Variants in ADGRL2 observed in about 807,000 individuals in gnomAD.
ADGRL2 encodes the protein calcium-independent alpha-latrotoxin receptor 2.
ADGRL2 carries 44 observed loss-of-function variants against 157.4 expected under a neutral mutation model. The observed-to-expected ratio is 0.28, with a 90% CI of 0.22 to 0.36. The LOEUF (loss-of-function observed/expected upper bound fraction) is 0.36. ADGRL2 is among the 10% of genes least tolerant of loss of function. The pLI, the probability that ADGRL2 is intolerant of heterozygous loss-of-function variation, is 1.00. For missense variants in ADGRL2, 1,510 were observed against 1,768.9 expected, an observed-to-expected ratio of 0.85 and a Z score of 2.63; for synonymous variants, 585 against 624.7, an observed-to-expected ratio of 0.94 and a Z score of 0.95.
At chr1:81,474,997 C>T (rs1221782842) in intron 2 of ADGRL2, among the ~76,000 whole-genome samples, 2 of 152,130 alleles carry the variant, frequency 1.3e-5, no homozygotes, top group African/African-American at 4.8e-5. Flanking sequence ...TGGTATGTGA[C>T]AACTGCGCTA....
chr1:81,541,829 A>C (rs989592904), intron 2 of ADGRL2, among the ~76,000 whole-genome samples: 1 of 150,746 alleles, frequency 6.6e-6, no homozygotes, highest in Non-Finnish European at 1.5e-5. Flanking sequence ...GTGGTGGCGC[A>C]TGCCTGTAAG....
At chr1:81,935,625 G>A (rs953245215) in intron 3 of ADGRL2, among the ~76,000 whole-genome samples, 7 of 151,686 alleles carry the variant, frequency 4.6e-5, no homozygotes, top group South Asian at 2.1e-4. Flanking sequence ...ATGTACTATC[G>A]AATATGTGGT....
chr1:81,605,803 C>T (rs1051342697), intron 3 of ADGRL2, among the ~76,000 whole-genome samples: 1 of 152,146 alleles, frequency 6.6e-6, no homozygotes, highest in Non-Finnish European at 1.5e-5. Flanking sequence ...ATTTTGCAGT[C>T]TTGAAAATAG....
intron 1 of ADGRL2, among the ~76,000 whole-genome samples, chr1:81,405,903 C>T (rs1053787592): frequency 6.6e-6 from 1 of 151,988 alleles, no homozygotes; most frequent in Non-Finnish European, 1.5e-5. Flanking sequence ...AAAGTGTTAT[C>T]TCCTCATAAA....
At chr1:81,553,568 T>C (rs188123634) in intron 2 of ADGRL2, among the ~76,000 whole-genome samples, 1 of 152,334 alleles carries the variant, frequency 6.6e-6, no homozygotes, top group East Asian at 1.9e-4. Flanking sequence ...ATTTCACCCT[T>C]CATGACACAC....
At chr1:81,976,616 G>C (rs952548627) in intron 17 of ADGRL2, among the ~76,000 whole-genome samples, 4 of 151,806 alleles carry the variant, frequency 2.6e-5, no homozygotes, top group African/African-American at 9.7e-5. Flanking sequence ...AAAAAATTTT[G>C]TTCTTACATT....
At chr1:81,539,025 A>AG (rs2079815666) in intron 2 of ADGRL2, among the ~76,000 whole-genome samples, 1 of 151,218 alleles carries the variant, frequency 6.6e-6, no homozygotes. Flanking sequence ...AAAAAAAAAA[A>AG]AAAGACAACA....
chr1:81,313,373 T>G (rs1659881470), intron 1 of ADGRL2, among the ~76,000 whole-genome samples: 1 of 152,228 alleles, frequency 6.6e-6, no homozygotes, highest in Non-Finnish European at 1.5e-5. Flanking sequence ...TTTATAATGT[T>G]GATTTAAATT....
intron 2 of ADGRL2, among the ~76,000 whole-genome samples, chr1:81,878,747 C>T (rs947532977): frequency 1.3e-5 from 2 of 152,006 alleles, no homozygotes; most frequent in Non-Finnish European, 2.9e-5. Context: ...ACATAAAAGG[C>T]TAAAAGCTAG....
rs925184536 is a variant in ADGRL2, at chr1:81,843,851, A to AT, written c.73+6803dup. 4.6e-5 allele frequency among the ~76,000 whole-genome samples: 7 copies of AT among 151,488 alleles called. No homozygotes were observed. The East Asian group carries it at 5.8e-4, about 13-fold the overall frequency. ...ATAAAGTTCAAGTGCTTGATTGTCG[A>AT]TTTTTTTTTCTTCCCACTTTTCCTC... is the stretch of plus-strand genomic sequence containing the variant. On this transcript the variant is annotated intron_variant, in intron 2 of 23. Transcript: ENST00000686636.
intron 2 of ADGRL2, among the ~76,000 whole-genome samples, chr1:81,477,724 G>A (rs4310480): frequency 0.97 from 147,502 of 152,298 alleles, 71,565 homozygotes; most frequent in East Asian, 1. Context: ...ATATATTTTT[G>A]TATTAAACAG....
chr1:81,401,824 A>G lies in ADGRL2; in HGVS notation c.-301-43212A>G, dbSNP rs11585857. On this transcript the variant is annotated intron_variant, in intron 1 of 24. Transcript: ENST00000370721. ...ACTAAAACCCACATAAGTGTGTCCC[A>G]TTTTTAACTTTTAACTTCAAAATCA... is the stretch of plus-strand genomic sequence containing the variant. 7.1e-4 allele frequency among the ~76,000 whole-genome samples: 108 copies of G among 152,168 alleles called. 1 individual carries two copies. Among genetic ancestry groups the G allele is most frequent in the Non-Finnish European group, 3.5e-4 (24 of 68,026 alleles).
At chr1:81,856,653 G>T (rs1188923979) in intron 2 of ADGRL2, among the ~76,000 whole-genome samples, 1 of 152,222 alleles carries the variant, frequency 6.6e-6, no homozygotes, top group East Asian at 1.9e-4. Context: ...GGTGGATCAA[G>T]AATTCACCAA....
At chr1:81,727,943 T>C (rs2084594139) in intron 1 of ADGRL2, among the ~76,000 whole-genome samples, 2 of 152,168 alleles carry the variant, frequency 1.3e-5, no homozygotes. Flanking sequence ...TTTTGTTTAC[T>C]GCTAAATACC....
chr1:81,311,699 C>T (rs937604136), intron 1 of ADGRL2, among the ~76,000 whole-genome samples: 5 of 152,158 alleles, frequency 3.3e-5, no homozygotes, highest in African/African-American at 7.2e-5. Flanking sequence ...ACTGAGCCTA[C>T]GCTCTCTGAC....
chr1:81,601,827 C>T (rs1371210209), intron 3 of ADGRL2, among the ~76,000 whole-genome samples: 1 of 152,118 alleles, frequency 6.6e-6, no homozygotes, highest in Non-Finnish European at 1.5e-5. Flanking sequence ...TGTTTTCAAT[C>T]AGGAAGGAAA....
At chr1:81,400,751 A>T (rs1261201199) in intron 1 of ADGRL2, among the ~76,000 whole-genome samples, 1 of 152,086 alleles carries the variant, frequency 6.6e-6, no homozygotes, top group Non-Finnish European at 1.5e-5. Flanking sequence ...GACAGGGAGC[A>T]CCACAGCAAT....
In ADGRL2 at chr1:81,477,125, G is replaced by A. The variant is rs2078288521; in HGVS notation, c.-248+32036G>A. On this transcript the variant is annotated intron_variant, in intron 2 of 24. Coordinates refer to the ADGRL2 transcript ENST00000370721. The stretch of plus-strand genomic sequence containing the variant: ...TAACCCACCCTGGAACCAATACTAT[G>A]TACCCACCATGCACTGTGCTATGGT... Among the ~76,000 whole-genome samples, 5 of 152,120 alleles carry A rather than the reference G, an allele frequency of 3.3e-5. No homozygotes were observed. In the South Asian group the frequency reaches 1.0e-3, roughly 31 times the overall value.
chr1:81,945,298 T>A lies in ADGRL2; in HGVS notation c.1210+1529T>A, dbSNP rs1649446119. Among the ~76,000 whole-genome samples the A allele has an allele frequency of 2.0e-5, 3 of 152,106 alleles. No homozygotes were observed. In the South Asian group the frequency reaches 6.2e-4, roughly 32 times the overall value. The stretch of plus-strand genomic sequence containing the variant: ...CAAACTTAAGGCATTGACAGACTTG[T>A]ATTGGCATTGGCTAAAATTGTATTG... On this transcript the variant is annotated intron_variant, in intron 6 of 23. Transcript: ENST00000686636.
Sources: allele counts gnomAD v4.1 joint callset (sites outside exome capture counted in the v4.1 genomes callset), GRCh38; gene constraint gnomAD v4.1.1; transcripts MANE v1.5; gene names NCBI Gene and HGNC (gene_info 2026-07-23, HGNC 2026-07-21).